The following TMEM178B variants were observed in gnomAD, a reference collection of about 807,000 sequenced individuals.
TMEM178B encodes transmembrane protein 178B.
In TMEM178B, 5 loss-of-function variants were observed where a neutral mutation model predicts 31.0. The ratio of observed to expected loss-of-function variants is 0.16; its 90% CI spans 0.08 to 0.34. The LOEUF is 0.34. Among genes scored for constraint, TMEM178B ranks in the 10% least tolerant of loss-of-function variants. The pLI is 1.00. For missense variants in TMEM178B, 275 were observed against 400.3 expected (o/e 0.69, Z 2.67); for synonymous variants, 164 against 164.0 (o/e 1.00, Z 0.00).
chr7:141,367,586 C>T (rs1408624558), intron 2 of TMEM178B, among the ~76,000 whole-genome samples: 1 of 152,156 alleles, frequency 6.6e-6, no homozygotes, highest in African/African-American at 2.4e-5. Context: ...CTTTGAGCTC[C>T]TGTTAGGACC....
intron 3 of TMEM178B, among the ~76,000 whole-genome samples, chr7:141,465,605 C>T (rs1489695394): frequency 1.3e-5 from 2 of 152,162 alleles, no homozygotes; most frequent in Admixed American, 6.5e-5. Flanking sequence ...GGAATGGCAC[C>T]GCGTTATTCA....
In TMEM178B at chr7:141,438,696, T is replaced by TAAAAAAAAAAAAA. The variant is rs869132131; in HGVS notation, c.634+969_634+981dup. Among the ~76,000 whole-genome samples the TAAAAAAAAAAAAA allele has an allele frequency of 8.3e-4, 24 of 29,004 alleles. 3 individuals are homozygous for TAAAAAAAAAAAAA. The highest frequency in any genetic ancestry group is 1.9e-3 in the African/African-American group (21 of 11,120). The allele number at this position is 29,004 out of a possible 152,430, so 19.0% of individuals were successfully genotyped here. A position where few individuals can be genotyped will look rare whatever the true frequency, so the allele number is the denominator to read the frequency against. On this transcript the variant is annotated intron_variant, in intron 3 of 3. Transcript: ENST00000565468. ...CAGCTTGGTAAAACCCCGTCTCTAC[T>TAAAAAAAAAAAAA]AAAAAAAAAAAAAAAAAAAAAAAAA...
chr7:141,462,705 C>T (rs150687783), intron 3 of TMEM178B, among the ~76,000 whole-genome samples: 8 of 152,044 alleles, frequency 5.3e-5, no homozygotes, highest in East Asian at 1.9e-4. Flanking sequence ...GTGAAGGAGA[C>T]GGAGGAGGCA....
downstream of TMEM178B, among the ~76,000 whole-genome samples, chr7:141,483,114 C>T (rs1802505203): frequency 6.6e-6 from 1 of 152,090 alleles, no homozygotes; most frequent in South Asian, 2.1e-4. Context: ...TCTCATCAGG[C>T]AAGGTATTCT....
chr7:141,244,949 G>C (rs1797700432), intron 2 of TMEM178B, among the ~76,000 whole-genome samples: 1 of 151,498 alleles, frequency 6.6e-6, no homozygotes, highest in Non-Finnish European at 1.5e-5. Flanking sequence ...ACCAGCCTGG[G>C]CAACATGGAG....
At chr7:141,378,896 A>G (rs921259397) in intron 2 of TMEM178B, among the ~76,000 whole-genome samples, 17 of 152,200 alleles carry the variant, frequency 1.1e-4, no homozygotes, top group African/African-American at 3.6e-4. Flanking sequence ...TGCTGCCACT[A>G]GCCACGAAAC....
chr7:141,374,158 C>A (rs1282857884), intron 2 of TMEM178B, among the ~76,000 whole-genome samples: 1 of 152,168 alleles, frequency 6.6e-6, no homozygotes, highest in Non-Finnish European at 1.5e-5. Context: ...CGCCCAGGAG[C>A]AGCTCCTTCT....
At chr7:141,369,863 A>G (rs73739814) in intron 2 of TMEM178B, among the ~76,000 whole-genome samples, 21,046 of 152,272 alleles carry the variant, frequency 0.14, 1,583 homozygotes, top group South Asian at 0.21. Flanking sequence ...GAAATATTCT[A>G]TTGCTTGAAA....
chr7:141,375,009 C>T lies in TMEM178B; in HGVS notation c.497-62599C>T, dbSNP rs1800187517. 2.0e-5 allele frequency among the ~76,000 whole-genome samples: 3 copies of T among 152,158 alleles called. No individual in the cohort carries two copies. The South Asian group carries it at 6.2e-4, about 31-fold the overall frequency. The stretch of plus-strand genomic sequence containing the variant: ...TGGCTGGGATTTGAGAGTTTGTCTT[C>T]CTGTTTCTATGCTGTTTCTTGTTCG... On this transcript the variant is annotated intron_variant, in intron 2 of 3. Coordinates refer to ENST00000565468, the MANE Select transcript of TMEM178B (RefSeq NM_001195278.2).
At chr7:141,089,512 A>G (rs1794843916) in intron 1 of TMEM178B, among the ~76,000 whole-genome samples, 1 of 152,254 alleles carries the variant, frequency 6.6e-6, no homozygotes, top group Admixed American at 6.5e-5. Flanking sequence ...ATTACTGGGT[A>G]TATACCCAAA....
intron 1 of TMEM178B, among the ~76,000 whole-genome samples, chr7:141,192,036 T>C (rs775423298): frequency 3.9e-4 from 59 of 152,216 alleles, no homozygotes; most frequent in Non-Finnish European, 5.9e-4. Context: ...TTTATCTTAT[T>C]TTTCCCAGAG....
chr7:141,334,214 G>A (rs1178091174), intron 2 of TMEM178B, among the ~76,000 whole-genome samples: 2 of 152,244 alleles, frequency 1.3e-5, no homozygotes, highest in Admixed American at 6.5e-5. Context: ...TTGAGATGCA[G>A]TATAGGGTTT....
chr7:141,302,395 T>C (rs1394566592), intron 2 of TMEM178B, among the ~76,000 whole-genome samples: 8 of 152,238 alleles, frequency 5.3e-5, no homozygotes, highest in Admixed American at 2.6e-4. Context: ...TGAGTATGCA[T>C]AGTTATATGA....
chr7:141,378,093 A>AT (rs1800251508), intron 2 of TMEM178B, among the ~76,000 whole-genome samples: 1 of 151,494 alleles, frequency 6.6e-6, no homozygotes, highest in African/African-American at 2.4e-5. Context: ...GCCTTTCCTT[A>AT]TTTTTCATGA....
chr7:141,148,629 A>T (rs1294663388), intron 1 of TMEM178B, among the ~76,000 whole-genome samples: 1 of 152,228 alleles, frequency 6.6e-6, no homozygotes, highest in Admixed American at 6.5e-5. Flanking sequence ...ATCAAGAAGC[A>T]GTTTATTTAT....
At chr7:141,383,368 C>G (rs1800363974) in intron 2 of TMEM178B, among the ~76,000 whole-genome samples, 1 of 140,676 alleles carries the variant, frequency 7.1e-6, no homozygotes, top group Admixed American at 7.2e-5. Context: ...TCCCTCCCCC[C>G]TCCCTCCACC....
chr7:141,501,288 A>G, the TMEM178B span, among the ~76,000 whole-genome samples: 2 of 152,070 alleles, frequency 1.3e-5, no homozygotes, highest in South Asian at 2.1e-4. Context: ...TGTGGCCAAG[A>G]ATCAGGTGAA....
At chr7:141,278,170 T>C (rs1221832634) in intron 2 of TMEM178B, among the ~76,000 whole-genome samples, 1 of 152,220 alleles carries the variant, frequency 6.6e-6, no homozygotes, top group African/African-American at 2.4e-5. Context: ...AAAGGAAATA[T>C]ACACAATCTC....
intron 2 of TMEM178B, among the ~76,000 whole-genome samples, chr7:141,215,854 TTTCTC>T: frequency 1.5e-5 from 2 of 136,244 alleles, no homozygotes; most frequent in African/African-American, 5.3e-5. Context: ...TTTTCTTTTC[TTTCTC>T]TTTCTTTCTT....
Sources: allele counts gnomAD v4.1 joint callset (sites outside exome capture counted in the v4.1 genomes callset), GRCh38; gene constraint gnomAD v4.1.1; transcripts MANE v1.5; gene names NCBI Gene and HGNC (gene_info 2026-07-23, HGNC 2026-07-21).